STMN1: variants seen among roughly 807,000 people sequenced by gnomAD.
STMN1 encodes the protein stathmin.
A neutral mutation model predicts 19.7 loss-of-function variants in STMN1; 3 were observed. The ratio of observed to expected loss-of-function variants is 0.15; its 90% CI spans 0.07 to 0.39. The LOEUF (loss-of-function observed/expected upper bound fraction) is 0.39. Ranked by LOEUF, STMN1 falls within the 10% of genes least tolerant of loss-of-function variation. The pLI is 1.00. For missense variants in STMN1, 99 were observed against 176.0 expected (o/e 0.56, Z 2.48); for synonymous variants, 59 against 58.9 (o/e 1.00, Z -0.01).
At position 25,885,801 on chromosome 1, in the gene STMN1, G is replaced by A. The variant is rs562897980; in HGVS notation, c.447C>T (p.His149=). The A allele has an allele frequency of 6.4e-6, 10 of 1,551,728 alleles. No individual in the cohort carries two copies. In the South Asian group the frequency reaches 1.2e-4, roughly 18 times the overall value. The change falls in exon 5 of 5, where the codon CAC becomes CAT. Residue 149 remains histidine (H), a synonymous_variant. Coordinates refer to the STMN1 transcript ENST00000426559. ...GGGCTGGGCAAAGGGCAGGAACAGA[G>A]TGGAGACAAGATTGCTCAGCAGAGA...
At chr1:25,895,115 T>C (rs1255946317) in intron 4 of STMN1, among the ~76,000 whole-genome samples, 16 of 146,608 alleles carry the variant, frequency 1.1e-4, no homozygotes, top group African/African-American at 4.3e-4. Context: ...TTTTTTTTTT[T>C]TTTTTGAGAC....
intron 1 of STMN1, chr1:25,905,841 C>G (rs1269584773): frequency 6.6e-6 from 1 of 152,386 alleles, no homozygotes; most frequent in Non-Finnish European, 1.5e-5. Flanking sequence ...CCCGCCGTCC[C>G]CATGCCCAAC....
At chr1:25,890,612 A>G (rs1170776005) in intron 4 of STMN1, among the ~76,000 whole-genome samples, 1 of 152,200 alleles carries the variant, frequency 6.6e-6, no homozygotes, top group Non-Finnish European at 1.5e-5. Context: ...TGCACGGAAT[A>G]AAAGCAAGCA....
At chr1:25,901,237 T>C (rs925739535) in intron 4 of STMN1, 150 bp from the exon 5 acceptor site, 1 of 1,407,950 alleles carries the variant, frequency 7.1e-7, no homozygotes, top group Non-Finnish European at 9.4e-7. Flanking sequence ...ATTTAAGTTC[T>C]GAGACATCAT....
rs144284020 is a variant in STMN1 at position 25,885,987 on chromosome 1, T to A, written c.379-118A>T. 206 of 1,341,196 alleles carry A rather than the reference T, an allele frequency of 1.5e-4. 4 individuals are homozygous for A. In the East Asian group the frequency reaches 5.5e-3, roughly 36 times the overall value. The allele number at this position is 1,341,196 out of a possible 1,614,324, so 83.1% of individuals were successfully genotyped here. A position where few individuals can be genotyped will look rare whatever the true frequency, so the allele number is the denominator to read the frequency against. On this transcript the variant is annotated intron_variant, in intron 4 of 4. Transcript: ENST00000426559. ...TTCTCAAACTTTGCTACAAATGGAA[T>A]CATCCAGGGATCTTTAAAAAATACT... is the stretch of plus-strand genomic sequence containing the variant.
At chr1:25,902,543 T>G (rs1314606082) in intron 3 of STMN1, 1 of 152,256 alleles carries the variant, frequency 6.6e-6, no homozygotes, top group Non-Finnish European at 1.5e-5. Context: ...CAGCTTGTTC[T>G]CAAAACACAT....
At position 25,887,412 on chromosome 1, in the gene STMN1, C is replaced by T. The variant is rs186480747; in HGVS notation, c.379-1543G>A. 11 of 348,970 alleles carry T rather than the reference C, an allele frequency of 3.2e-5. No homozygotes were observed. The East Asian group carries it at 9.9e-4, about 31-fold the overall frequency. 21.6% of individuals were successfully genotyped at this position (348,970 alleles called of 1,614,324 possible). A position where few individuals can be genotyped will look rare whatever the true frequency, so the allele number is the denominator to read the frequency against. ...TTCCTCAGTGGGTTAACAGGAAAGC[C>T]GGTGATGCTGAAACAAAGTGGGGAA... On this transcript the variant is annotated intron_variant, in intron 4 of 4. Transcript: ENST00000426559.
At chr1:25,887,368 A>T (rs1448669574) in intron 4 of STMN1, 2 of 277,964 alleles carry the variant, frequency 7.2e-6, no homozygotes, top group Middle Eastern at 1.6e-3. Context: ...CGGTAAGTCT[A>T]CCCCTCAATC....
intron 4 of STMN1, among the ~76,000 whole-genome samples, chr1:25,893,215 T>C (rs1033759150): frequency 3.5e-4 from 53 of 152,208 alleles, no homozygotes; most frequent in African/African-American, 1.2e-3. Context: ...CCTTGTAAAA[T>C]TGTTATAAAA....
At chr1:25,899,016 T>A (rs976220192), downstream of STMN1, among the ~76,000 whole-genome samples, 1 of 152,196 alleles carries the variant, frequency 6.6e-6, no homozygotes, top group Admixed American at 6.5e-5. Flanking sequence ...CAAGGTGAAA[T>A]AGAAAAGCCA....
rs1256153684 is a variant in STMN1 at position 25,892,605 on chromosome 1, C to G, written c.379-6736G>C. On this transcript the variant is annotated intron_variant, in intron 4 of 4. Transcript: ENST00000426559. ...TCCCCTCCCAGCTGGAGCTGAGATT[C>G]TTGAGATTCTAAACAACCGCCTCCC... is the stretch of plus-strand genomic sequence containing the variant. The G allele has an allele frequency of 4.1e-6, 4 of 985,252 alleles. No homozygotes were observed. The East Asian group carries it at 4.5e-4, about 112-fold the overall frequency. The allele number at this position is 985,252 out of a possible 1,614,324, so 61.0% of individuals were successfully genotyped here.
downstream of STMN1, among the ~76,000 whole-genome samples, chr1:25,895,264 G>A (rs375872752): frequency 2.0e-4 from 30 of 152,034 alleles, no homozygotes; most frequent in East Asian, 4.7e-3. Flanking sequence ...CACCACGCCC[G>A]GCTAATCTTG....
chr1:25,891,331 TAAAAAAAA>T (rs34481251), intron 4 of STMN1, among the ~76,000 whole-genome samples: 1 of 144,914 alleles, frequency 6.9e-6, no homozygotes, highest in Admixed American at 6.8e-5. Context: ...AACTCCATCT[TAAAAAAAA>T]AAAAAAAATT....
intron 4 of STMN1, chr1:25,892,380 C>CTT (rs35541438): frequency 2.5e-3 from 434 of 173,398 alleles, no homozygotes; most frequent in East Asian, 5.1e-3. Context: ...CAGAGCAAGA[C>CTT]TTTTTTTTTT....
chr1:25,890,128 T>C (rs2048759758), intron 4 of STMN1, among the ~76,000 whole-genome samples: 1 of 152,150 alleles, frequency 6.6e-6, no homozygotes, highest in South Asian at 2.1e-4. Flanking sequence ...GGTGTATTCA[T>C]TCAATGAATA....
Position 25,900,639 on chromosome 1 carries a change from T to C in STMN1, c.*377A>G. On this transcript the variant is annotated 3_prime_UTR_variant, in exon 5 of 5. Coordinates refer to ENST00000455785, the MANE Select transcript of STMN1 (RefSeq NM_005563.4). Reference sequence around the variant, plus strand: ...GGTAAGATTGGGACAGAATTGGGATTGAAAAGTGAACAGATATTCAGCATC... The same window carrying C: ...GGTAAGATTGGGACAGAATTGGGATCGAAAAGTGAACAGATATTCAGCATC... 1.0e-6 allele frequency: 1 copy of C among 999,612 alleles called. No homozygotes were observed. The highest frequency in any genetic ancestry group is 1.7e-5 in the African/African-American group (1 of 57,752). 61.9% of individuals were successfully genotyped at this position (999,612 alleles called of 1,614,324 possible).
downstream of STMN1, among the ~76,000 whole-genome samples, chr1:25,895,289 G>A (rs757985856): frequency 1.6e-4 from 25 of 151,892 alleles, no homozygotes; most frequent in Non-Finnish European, 2.8e-4. Context: ...TGTATTTTTA[G>A]TAGAGACGGG....
At chr1:25,904,854 G>T in intron 1 of STMN1, 116 bp from the exon 2 acceptor site, 1 of 618,438 alleles carries the variant, frequency 1.6e-6, no homozygotes, top group South Asian at 3.5e-5. Flanking sequence ...GTGGAATAAA[G>T]ACGTCTAAAT....
intron 4 of STMN1, among the ~76,000 whole-genome samples, chr1:25,888,716 A>T (rs1375933852): frequency 3.9e-5 from 6 of 152,196 alleles, no homozygotes; most frequent in African/African-American, 1.4e-4. Context: ...CTGGTATGTC[A>T]GCTCAATGAT....
Sources: allele counts gnomAD v4.1 joint callset (sites outside exome capture counted in the v4.1 genomes callset), GRCh38; gene constraint gnomAD v4.1.1; transcripts MANE v1.5; gene names NCBI Gene and HGNC (gene_info 2026-07-23, HGNC 2026-07-21).